The following SPRY3 variants were observed in gnomAD, a reference collection of about 807,000 sequenced individuals.
SPRY3 encodes sprouty RTK signaling antagonist 3.
SPRY3 carries 15 observed loss-of-function variants against 20.2 expected under a neutral mutation model. That is an observed-to-expected ratio of 0.74 (90% CI 0.50 to 1.14). The LOEUF (loss-of-function observed/expected upper bound fraction) is 1.14. Ranked by LOEUF, SPRY3 falls within the 50% of genes most tolerant of loss-of-function variation. The pLI is 0.00. For missense variants in SPRY3, 364 were observed against 363.9 expected, an observed-to-expected ratio of 1.00 and a Z score of 0.00; for synonymous variants, 143 against 136.5, an observed-to-expected ratio of 1.05 and a Z score of -0.33.
intron 2 of SPRY3, among the ~76,000 whole-genome samples, chrX:155,735,263 C>T (rs936840343): frequency 2.0e-5 from 3 of 151,832 alleles, no homozygotes; most frequent in African/African-American, 7.3e-5. Context: ...TGTTTTAAAG[C>T]CCAAGATGTG....
At chrX:155,636,587 ATG>A (rs2067924218) in intron 1 of SPRY3, among the ~76,000 whole-genome samples, 1 of 110,746 alleles carries the variant, frequency 9.0e-6, no homozygotes, top group Non-Finnish European at 1.9e-5. Flanking sequence ...GTATGTATGT[ATG>A]TATGTATGTA....
At chrX:155,650,548 T>C (rs1189547212) in intron 1 of SPRY3, among the ~76,000 whole-genome samples, 9 of 112,380 alleles carry the variant, frequency 8.0e-5, no homozygotes, top group African/African-American at 2.9e-4. Context: ...ATACGTGTTC[T>C]GCAGTAATTG....
intron 2 of SPRY3, among the ~76,000 whole-genome samples, chrX:155,686,211 T>C (rs1285306899): frequency 6.3e-5 from 7 of 111,827 alleles, no homozygotes; most frequent in African/African-American, 2.3e-4. Flanking sequence ...ACTAGATAAT[T>C]TTCATAATAC....
At chrX:155,732,102 G>T (rs2091136604) in intron 2 of SPRY3, among the ~76,000 whole-genome samples, 2 of 151,938 alleles carry the variant, frequency 1.3e-5, no homozygotes, top group Admixed American at 1.3e-4. Flanking sequence ...ACAGTTTTTG[G>T]CCGAAGATTC....
chrX:155,650,111 G>A (rs781973242), intron 1 of SPRY3, among the ~76,000 whole-genome samples: 30 of 111,467 alleles, frequency 2.7e-4, no homozygotes, highest in Non-Finnish European at 5.3e-4. Flanking sequence ...AATAAGAGAG[G>A]ACACAATCAA....
intron 2 of SPRY3, among the ~76,000 whole-genome samples, chrX:155,721,869 A>T (rs1008065064): frequency 2.6e-5 from 4 of 152,168 alleles, no homozygotes; most frequent in African/African-American, 7.2e-5. Flanking sequence ...ACCTGAAGGT[A>T]CAAAACTCAC....
chrX:155,778,294 A>G (rs2091441836), downstream of SPRY3: 1 of 167,056 alleles, frequency 6.0e-6, no homozygotes, highest in Non-Finnish European at 1.5e-5. Context: ...GAGTTAAAAT[A>G]AGTATCTTGC....
At chrX:155,780,340 G>A (rs1477943113), downstream of SPRY3, 3 of 166,966 alleles carry the variant, frequency 1.8e-5, no homozygotes, top group African/African-American at 7.2e-5. Context: ...CCACAGGTAT[G>A]TTCTCTTGTA....
chrX:155,728,515 A>G (rs2091114187), intron 2 of SPRY3, among the ~76,000 whole-genome samples: 1 of 152,182 alleles, frequency 6.6e-6, no homozygotes, highest in Non-Finnish European at 1.5e-5. Context: ...AGCCTCAGCA[A>G]TGGTGGACGC....
chrX:155,770,882 T>A (rs1443925253), intron 3 of SPRY3, among the ~76,000 whole-genome samples: 1 of 152,178 alleles, frequency 6.6e-6, no homozygotes, highest in Non-Finnish European at 1.5e-5. Flanking sequence ...GTTAGCCAGA[T>A]CAGATTCAGC....
chrX:155,758,267 A>T (rs1434245758), intron 2 of SPRY3, among the ~76,000 whole-genome samples: 1 of 152,150 alleles, frequency 6.6e-6, no homozygotes, highest in Non-Finnish European at 1.5e-5. Flanking sequence ...TTTGTTTTAT[A>T]TTCAAACTTA....
intron 2 of SPRY3, among the ~76,000 whole-genome samples, chrX:155,765,881 A>G (rs2091324919): frequency 6.6e-6 from 1 of 152,236 alleles, no homozygotes; most frequent in Non-Finnish European, 1.5e-5. Flanking sequence ...GCTATATGCC[A>G]GAGAGGTTAA....
rs189236747 is a variant in SPRY3, at chrX:155,620,704, G to T, written c.-441+8057G>T. Among the ~76,000 whole-genome samples, 22 of 111,649 alleles carry T rather than the reference G, an allele frequency of 2.0e-4. 1 individual carries two copies. In the Admixed American group the frequency reaches 2.1e-3, roughly 11 times the overall value. On this transcript the variant is annotated intron_variant, in intron 1 of 3. Coordinates refer to ENST00000675360, the Ensembl canonical transcript of SPRY3. ...TTGTGTATTTACTGGAAGGAGTAAT[G>T]ACAAAACCCTTCGGAGTGATGATAA...
At chrX:155,726,964 G>A (rs143560823) in intron 2 of SPRY3, among the ~76,000 whole-genome samples, 7,404 of 152,218 alleles carry the variant, frequency 0.049, 306 homozygotes, top group Non-Finnish European at 0.08. Context: ...GGTACTGGTT[G>A]TTCCTTTCCA....
intron 2 of SPRY3, among the ~76,000 whole-genome samples, chrX:155,706,943 TA>T (rs1247292375): frequency 6.6e-6 from 1 of 151,198 alleles, no homozygotes; most frequent in African/African-American, 2.4e-5. Flanking sequence ...ATTTATGGTT[TA>T]AATGATTTTC....
intron 2 of SPRY3, among the ~76,000 whole-genome samples, chrX:155,755,969 T>C (rs1207146111): frequency 6.6e-6 from 1 of 152,014 alleles, no homozygotes; most frequent in African/African-American, 2.4e-5. Flanking sequence ...AGAATAAAGT[T>C]CATGAAGGTA....
chrX:155,716,783 T>C (rs746525795), intron 2 of SPRY3, among the ~76,000 whole-genome samples: 1 of 151,442 alleles, frequency 6.6e-6, no homozygotes, highest in South Asian at 2.1e-4. Flanking sequence ...TTCGACAAAA[T>C]ATGTGTTCAA....
chrX:155,693,408 C>G (rs184397715), intron 2 of SPRY3, among the ~76,000 whole-genome samples: 1 of 111,858 alleles, frequency 8.9e-6, no homozygotes, highest in East Asian at 2.8e-4. Context: ...TATAGCCCAC[C>G]TTAGTAAATG....
intron 2 of SPRY3, among the ~76,000 whole-genome samples, chrX:155,722,346 C>T (rs1165728328): frequency 6.6e-6 from 1 of 151,986 alleles, no homozygotes; most frequent in Non-Finnish European, 1.5e-5. Flanking sequence ...CAGGGTGAAA[C>T]CCCATCTCTA....
Sources: allele counts gnomAD v4.1 joint callset (sites outside exome capture counted in the v4.1 genomes callset), GRCh38; gene constraint gnomAD v4.1.1; transcripts MANE v1.5; gene names NCBI Gene and HGNC (gene_info 2026-07-23, HGNC 2026-07-21).